Variants in GRAMD4 observed in about 807,000 individuals in gnomAD.
GRAMD4 encodes the protein GRAM domain containing 4.
Under a neutral mutation model 83.9 loss-of-function variants are expected in GRAMD4, and 25 were observed. The observed-to-expected ratio is 0.30, with a 90% CI of 0.22 to 0.42. The LOEUF is 0.42. GRAMD4 is among the 10% of genes least tolerant of loss of function. The pLI is 1.00. For missense variants in GRAMD4, 593 were observed against 788.7 expected (o/e 0.75, Z 2.97); for synonymous variants, 336 against 320.9 (o/e 1.05, Z -0.50).
intron 1 of GRAMD4, among the ~76,000 whole-genome samples, chr22:46,579,541 C>G (rs1012064510): frequency 6.6e-6 from 1 of 152,212 alleles, no homozygotes; most frequent in Non-Finnish European, 1.5e-5. Flanking sequence ...AGACATGTTA[C>G]AGAAACAGCA....
At position 46,679,281 on chromosome 22, in the gene GRAMD4, G is replaced by T; in HGVS notation, c.*2030G>T. On this transcript the variant is annotated 3_prime_UTR_variant, in exon 19 of 19. Coordinates refer to ENST00000406902, the MANE Select transcript of GRAMD4 (RefSeq NM_015124.5). ...GGCAGATGGGGCTTTACCAGCGTCG[G>T]GTGGTTTAGTTCGAGTCCCTTTTGT... is the stretch of plus-strand genomic sequence containing the variant. The T allele has an allele frequency of 2.0e-6, 2 of 985,468 alleles. No individual in the cohort carries two copies. Among genetic ancestry groups the T allele is most frequent in the Non-Finnish European group, 2.4e-6 (2 of 829,956 alleles). The allele number at this position is 985,468 out of a possible 1,614,324, so 61.0% of individuals were successfully genotyped here. A position where few individuals can be genotyped will look rare whatever the true frequency, so the allele number is the denominator to read the frequency against.
rs1005782691 is a variant in GRAMD4 at position 46,659,138 on chromosome 22, T to A, written c.404+831T>A. Among the ~76,000 whole-genome samples, 6 of 152,008 alleles carry A rather than the reference T, an allele frequency of 3.9e-5. No homozygotes were observed. The East Asian group carries it at 1.2e-3, about 29-fold the overall frequency. On this transcript the variant is annotated intron_variant, in intron 4 of 18. Coordinates refer to ENST00000406902, the MANE Select transcript of GRAMD4 (RefSeq NM_015124.5). The surrounding 1 kb of genome is among the most constrained non-coding windows in gnomAD (Gnocchi z 4.1). ...GCCACTCACCTCTGGCTCCCAGGCC[T>A]CCCGCTCAGCCTCCACTCCAGCAAC...
upstream of GRAMD4, among the ~76,000 whole-genome samples, chr22:46,618,191 CG>C (rs1285319610): frequency 6.6e-6 from 1 of 152,110 alleles, no homozygotes; most frequent in Non-Finnish European, 1.5e-5. The surrounding 1 kb of genome is among the most constrained non-coding windows in gnomAD (Gnocchi z 5.8). Context: ...GAGGGAGACT[CG>C]GGTGCCTGCA....
intron 13 of GRAMD4, among the ~76,000 whole-genome samples, chr22:46,671,656 A>AAAAATAAAAT (rs149423289): frequency 1.4e-5 from 2 of 143,052 alleles, no homozygotes; most frequent in East Asian, 4.1e-4. Flanking sequence ...ACTCCGTCTC[A>AAAAATAAAAT]AAAATAAAAT....
At position 46,666,882 on chromosome 22, in the gene GRAMD4, C is replaced by T; in HGVS notation, c.858+9C>T. ...AAGTGTCTGAGCCCGTGGTAAGTCC[C>T]TGGAGGGTGCACGGTCTCCTCCGAC... On this transcript the variant is annotated intron_variant, in intron 10 of 18. Transcript: ENST00000406902. 1 of 1,574,934 alleles carries T rather than the reference C, an allele frequency of 6.3e-7. No individual in the cohort carries two copies. Among genetic ancestry groups the T allele is most frequent in the Non-Finnish European group, 8.6e-7 (1 of 1,158,030 alleles).
intron 3 of GRAMD4, among the ~76,000 whole-genome samples, chr22:46,647,625 G>T (rs1297949232): frequency 6.6e-6 from 1 of 152,264 alleles, no homozygotes; most frequent in African/African-American, 2.4e-5. Context: ...CGTCTGACAG[G>T]TGTTTTGGAT....
intron 3 of GRAMD4, among the ~76,000 whole-genome samples, chr22:46,643,135 GCA>G (rs2082004450): frequency 1.3e-4 from 1 of 7,988 alleles, no homozygotes; most frequent in Non-Finnish European, 2.4e-4. Context: ...ATCCATCCAT[GCA>G]TCCTTCCATC....
rs967458929 is a variant in GRAMD4 at position 46,676,685 on chromosome 22, G to A, written c.1632+17G>A. On this transcript the variant is annotated intron_variant, in intron 18 of 18. Coordinates refer to ENST00000406902, the MANE Select transcript of GRAMD4 (RefSeq NM_015124.5). ...ACCCAGAAAGTAGGTGCCGGGCGGGGGGCCGCCAAGGGGTTGGTGTGGGCC... is the reference window on the plus strand; with the variant it reads ...ACCCAGAAAGTAGGTGCCGGGCGGGAGGCCGCCAAGGGGTTGGTGTGGGCC... 4 of 1,546,128 alleles carry A rather than the reference G, an allele frequency of 2.6e-6. No individual in the cohort carries two copies. In the African/African-American group the frequency reaches 5.5e-5, roughly 21 times the overall value.
At chr22:46,675,640 C>T in intron 17 of GRAMD4, 88 bp downstream of exon 17, 1 of 850,756 alleles carries the variant, frequency 1.2e-6, no homozygotes, top group Non-Finnish European at 2.0e-6. Context: ...AGACTTCTGC[C>T]AGCCTCTGTC....
At chr22:46,584,603 GACC>G (rs1425510584) in intron 1 of GRAMD4, among the ~76,000 whole-genome samples, 1 of 152,126 alleles carries the variant, frequency 6.6e-6, no homozygotes, top group Non-Finnish European at 1.5e-5. Flanking sequence ...TTGTTAGTGG[GACC>G]CCCCGGGAAG....
chr22:46,664,798 G>A (rs2082383912), intron 8 of GRAMD4, among the ~76,000 whole-genome samples: 1 of 152,240 alleles, frequency 6.6e-6, no homozygotes, highest in Non-Finnish European at 1.5e-5. Flanking sequence ...GCCTGGCACT[G>A]TCCAGGGCTC....
At chr22:46,613,639 C>G (rs1422874486) in intron 1 of GRAMD4, among the ~76,000 whole-genome samples, 1 of 152,234 alleles carries the variant, frequency 6.6e-6, no homozygotes, top group Non-Finnish European at 1.5e-5. Context: ...GGGCAGCATC[C>G]TGGAGGCCAG....
chr22:46,602,762 CTTTTTTT>C (rs534249203), intron 1 of GRAMD4, among the ~76,000 whole-genome samples: 2 of 121,436 alleles, frequency 1.6e-5, no homozygotes, highest in Non-Finnish European at 3.3e-5. Context: ...CCATTTTTCT[CTTTTTTT>C]TTTTTTTTTG....
At position 46,668,736 on chromosome 22, in the gene GRAMD4, A is replaced by AGGG; in HGVS notation, c.974+5_974+6insGGG. The AGGG allele has an allele frequency of 8.4e-6, 10 of 1,187,422 alleles. No homozygotes were observed. Among genetic ancestry groups the AGGG allele is most frequent in the East Asian group, 2.8e-5 (1 of 36,154 alleles). 73.6% of individuals were successfully genotyped at this position (1,187,422 alleles called of 1,614,324 possible). A position where few individuals can be genotyped will look rare whatever the true frequency, so the allele number is the denominator to read the frequency against. On this transcript the variant is annotated splice_donor_region_variant and intron_variant, in intron 12 of 18. Transcript: ENST00000406902. Reference sequence around the variant, plus strand: ...ACATCCTGGAGAAGATCAAGAAGTAAGTCCCGCCCCCCACCCCGGCCCTGC... The same window carrying AGGG: ...ACATCCTGGAGAAGATCAAGAAGTAAGGGGTCCCGCCCCCCACCCCGGCCCTGC...
chr22:46,649,766 G>GAA (rs2082137636), intron 3 of GRAMD4, among the ~76,000 whole-genome samples: 2 of 152,358 alleles, frequency 1.3e-5, no homozygotes, highest in African/African-American at 4.8e-5. Context: ...ATGTTAGGGA[G>GAA]AAAATGCAGG....
chr22:46,660,314 G>A (rs868139842), intron 4 of GRAMD4, among the ~76,000 whole-genome samples: 8 of 152,288 alleles, frequency 5.3e-5, no homozygotes, highest in African/African-American at 9.6e-5. Flanking sequence ...ACATGGGGGC[G>A]GCGCTTAGGA....
intron 2 of GRAMD4, among the ~76,000 whole-genome samples, chr22:46,633,555 G>A (rs1433905763): frequency 6.6e-6 from 1 of 152,218 alleles, no homozygotes; most frequent in Non-Finnish European, 1.5e-5. Flanking sequence ...CCCAGCAACT[G>A]GGGGCTCTGG....
intron 3 of GRAMD4, among the ~76,000 whole-genome samples, chr22:46,651,799 G>A (rs775882011): frequency 6.6e-6 from 1 of 152,198 alleles, no homozygotes; most frequent in Admixed American, 6.5e-5. Flanking sequence ...CCTTGGTGGC[G>A]GCACTGGGGA....
chr22:46,596,415 C>T (rs1388973256), intron 1 of GRAMD4, among the ~76,000 whole-genome samples: 1 of 152,250 alleles, frequency 6.6e-6, no homozygotes, highest in Non-Finnish European at 1.5e-5. Context: ...GTCACCATCC[C>T]TCTGTGGGTG....
Sources: allele counts gnomAD v4.1 joint callset (sites outside exome capture counted in the v4.1 genomes callset), GRCh38; gene constraint gnomAD v4.1.1; non-coding constraint Gnocchi (gnomAD v3.1); transcripts MANE v1.5; gene names NCBI Gene and HGNC (gene_info 2026-07-23, HGNC 2026-07-21).